The following ACMSD variants were observed in gnomAD, a reference collection of about 807,000 sequenced individuals.
The protein encoded by ACMSD is aminocarboxymuconate semialdehyde decarboxylase.
Under a neutral mutation model 45.9 loss-of-function variants are expected in ACMSD, and 37 were observed. That is an observed-to-expected ratio of 0.81 (90% CI 0.62 to 1.06). The LOEUF (loss-of-function observed/expected upper bound fraction) is 1.06, where lower values mean the gene tolerates loss of function less well. Ranked by LOEUF, ACMSD falls within the 50% of genes least tolerant of loss-of-function variation. The pLI is 0.00. For missense variants in ACMSD, 434 were observed against 420.9 expected (o/e 1.03, Z -0.27); for synonymous variants, 138 against 148.8 (o/e 0.93, Z 0.53).
chr2:134,844,011 A>G (rs1306755312), intron 1 of ACMSD, among the ~76,000 whole-genome samples: 2 of 152,174 alleles, frequency 1.3e-5, no homozygotes, highest in Non-Finnish European at 2.9e-5. Context: ...TCTGCTCCAC[A>G]TGGGCTGGAA....
At chr2:134,855,879 T>A (rs1687557304) in intron 2 of ACMSD, among the ~76,000 whole-genome samples, 1 of 152,154 alleles carries the variant, frequency 6.6e-6, no homozygotes, top group African/African-American at 2.4e-5. Flanking sequence ...ATGCAATTCA[T>A]GATCAAGCCA....
In ACMSD at chr2:134,872,537, C is replaced by G; in HGVS notation, c.745C>G (p.Gln249Glu). ...CAGCATGCGCCCAGATCTGTGTGCC[C>G]AGGACAACCCCATGAACCCGAAGAA... is the stretch of plus-strand genomic sequence containing the variant. ...GFSMRPDLCA[Q>E]DNPMNPKKYL... Residue 249 changes from glutamine (Q) to glutamate (E), a missense_variant, in exon 8 of 10, where the codon CAG becomes GAG. Transcript: ENST00000356140. The G allele has an allele frequency of 6.2e-7, 1 of 1,614,112 alleles. No homozygotes were observed. The highest frequency in any genetic ancestry group is 8.5e-7 in the Non-Finnish European group (1 of 1,180,012).
intron 8 of ACMSD, among the ~76,000 whole-genome samples, chr2:134,888,412 A>T (rs988879825): frequency 1.3e-5 from 2 of 152,228 alleles, no homozygotes; most frequent in Non-Finnish European, 2.9e-5. Context: ...ATTTTCACAC[A>T]TTGTTAGTAG....
At chr2:134,843,878 G>C (rs557154160) in intron 1 of ACMSD, among the ~76,000 whole-genome samples, 1 of 152,312 alleles carries the variant, frequency 6.6e-6, no homozygotes, top group South Asian at 2.1e-4. Context: ...GCAGCCCAAG[G>C]TGTTAGGTCA....
chr2:134,885,981 C>T (rs1689416607), intron 8 of ACMSD, among the ~76,000 whole-genome samples: 1 of 152,112 alleles, frequency 6.6e-6, no homozygotes, highest in African/African-American at 2.4e-5. Flanking sequence ...GCTGCTTATG[C>T]CATGCTTTAC....
rs189623499 is a variant in ACMSD at position 134,868,748 on chromosome 2, C to T, written c.580+1076C>T. Among the ~76,000 whole-genome samples, 8 of 152,220 alleles carry T rather than the reference C, an allele frequency of 5.3e-5. No homozygotes were observed. The East Asian group carries it at 9.7e-4, about 18-fold the overall frequency. ...GATTACAGGTGTGAGCCACTGCACC[C>T]GGCCTGGATTTTCTTTAAGGGGACC... On this transcript the variant is annotated intron_variant, in intron 6 of 9. Transcript: ENST00000356140.
chr2:134,846,092 GATGCCC>G (rs1365455550), intron 2 of ACMSD, among the ~76,000 whole-genome samples: 1 of 152,200 alleles, frequency 6.6e-6, no homozygotes, highest in Non-Finnish European at 1.5e-5. Flanking sequence ...TGGAGGAAAT[GATGCCC>G]ATCCCACATC....
chr2:134,851,259 T>C lies in ACMSD; in HGVS notation c.102+5982T>C, dbSNP rs61680552. Among the ~76,000 whole-genome samples, 455 of 152,348 alleles carry C rather than the reference T, an allele frequency of 3.0e-3. 1 individual carries two copies. Among genetic ancestry groups the C allele is most frequent in the African/African-American group, 0.01 (426 of 41,576 alleles). On this transcript the variant is annotated intron_variant, in intron 2 of 9. Coordinates refer to ENST00000356140, the MANE Select transcript of ACMSD (RefSeq NM_138326.3). ...ATGTCTTTGCCATTGTGAATAGTGC[T>C]GTAATGAACATACAGGTGCATGTGT... is the stretch of plus-strand genomic sequence containing the variant.
intron 8 of ACMSD, among the ~76,000 whole-genome samples, chr2:134,881,618 T>C (rs552846172): frequency 1.3e-5 from 2 of 152,294 alleles, no homozygotes; most frequent in East Asian, 1.9e-4. Context: ...AAGTGATTTA[T>C]CATTAAAGAA....
intron 7 of ACMSD, among the ~76,000 whole-genome samples, chr2:134,871,712 C>CACACACACACAA (rs1444636271): frequency 6.6e-6 from 1 of 150,982 alleles, no homozygotes; most frequent in Non-Finnish European, 1.5e-5. Flanking sequence ...CACACACACA[C>CACACACACACAA]AATCAAACTA....
chr2:134,851,598 A>G (rs1687348508), intron 2 of ACMSD, among the ~76,000 whole-genome samples: 1 of 152,084 alleles, frequency 6.6e-6, no homozygotes, highest in African/African-American at 2.4e-5. Flanking sequence ...AACTGGCACC[A>G]TATCCGGCTA....
chr2:134,878,037 C>A (rs945215325), intron 8 of ACMSD, among the ~76,000 whole-genome samples: 1 of 152,166 alleles, frequency 6.6e-6, no homozygotes, highest in Non-Finnish European at 1.5e-5. Context: ...ACTTTAAAGT[C>A]TAGGATTTTG....
intron 1 of ACMSD, among the ~76,000 whole-genome samples, chr2:134,842,757 C>T (rs1686864572): frequency 6.6e-6 from 1 of 152,180 alleles, no homozygotes; most frequent in African/African-American, 2.4e-5. Flanking sequence ...CCCACCACTC[C>T]TCTTAGCCTC....
chr2:134,874,100 G>A (rs1023037485), intron 8 of ACMSD, among the ~76,000 whole-genome samples: 3 of 152,184 alleles, frequency 2.0e-5, no homozygotes, highest in African/African-American at 7.2e-5. Flanking sequence ...CATTGGCCAG[G>A]GGACAGGAGC....
chr2:134,855,812 T>C (rs530489563), intron 2 of ACMSD, among the ~76,000 whole-genome samples: 2 of 152,340 alleles, frequency 1.3e-5, no homozygotes, highest in East Asian at 3.9e-4. Flanking sequence ...GACTTCTTCA[T>C]GCAGGAGATG....
At chr2:134,885,428 T>C (rs998273346) in intron 8 of ACMSD, among the ~76,000 whole-genome samples, 2 of 122,484 alleles carry the variant, frequency 1.6e-5, no homozygotes, top group African/African-American at 6.3e-5. Flanking sequence ...TGTAAATATA[T>C]ATAATATATA....
intron 1 of ACMSD, among the ~76,000 whole-genome samples, chr2:134,843,709 G>A (rs1686916727): frequency 6.6e-6 from 1 of 152,206 alleles, no homozygotes; most frequent in Non-Finnish European, 1.5e-5. Flanking sequence ...CCAACTCAGA[G>A]CCATTAAGGA....
chr2:134,846,874 T>C (rs1487255306), intron 2 of ACMSD, among the ~76,000 whole-genome samples: 2 of 152,154 alleles, frequency 1.3e-5, no homozygotes, highest in East Asian at 1.9e-4. Context: ...GAATGGAATA[T>C]AAAGCAGCGA....
At chr2:134,889,555 G>A (rs1053704403) in intron 8 of ACMSD, among the ~76,000 whole-genome samples, 1 of 152,070 alleles carries the variant, frequency 6.6e-6, no homozygotes. Flanking sequence ...TAAAATAACA[G>A]AATAACAAAT....
Sources: gnomAD v4.1 joint callset for allele counts (sites outside exome capture counted in the v4.1 genomes callset) on GRCh38, gnomAD v4.1.1 for gene constraint, MANE v1.5 for transcripts, NCBI Gene and HGNC (gene_info 2026-07-23, HGNC 2026-07-21) for gene names.